GLMN: variants seen among roughly 807,000 people sequenced by gnomAD.
GLMN encodes glomulin.
GLMN carries 75 observed loss-of-function variants against 87.8 expected under a neutral mutation model. The ratio of observed to expected loss-of-function variants is 0.85; its 90% CI spans 0.71 to 1.04. GLMN has a LOEUF of 1.04. Among genes scored for constraint, GLMN ranks in the 50% least tolerant of loss-of-function variants. The pLI is 0.00. For missense variants in GLMN, 588 were observed against 658.8 expected, an observed-to-expected ratio of 0.89 and a Z score of 1.18; for synonymous variants, 206 against 221.6, an observed-to-expected ratio of 0.93 and a Z score of 0.63.
intron 16 of GLMN, among the ~76,000 whole-genome samples, chr1:92,258,906 A>G (rs546302406): frequency 1.3e-5 from 2 of 152,212 alleles, no homozygotes; most frequent in African/African-American, 4.8e-5. Flanking sequence ...TTGAAAAAAA[A>G]CCAAAACTTA....
At chr1:92,304,454 A>C in the GLMN span, 1 of 564,674 alleles carries the variant, frequency 1.8e-6, no homozygotes, top group Non-Finnish European at 3.0e-6. Context: ...ATAGGATTCT[A>C]AAAGAAACTT....
chr1:92,287,817 GC>G (rs2101025465), intron 6 of GLMN, among the ~76,000 whole-genome samples: 1 of 152,090 alleles, frequency 6.6e-6, no homozygotes, highest in South Asian at 2.1e-4. Context: ...CTCCCAAGTA[GC>G]CAAAATTTAA....
At chr1:92,334,999 T>C in the GLMN span, among the ~76,000 whole-genome samples, 7 of 151,136 alleles carry the variant, frequency 4.6e-5, no homozygotes, top group African/African-American at 1.2e-4. Flanking sequence ...AAAAAATAAA[T>C]AAAAATAAAA....
chr1:92,323,046 A>T, the GLMN span, among the ~76,000 whole-genome samples: 1 of 145,472 alleles, frequency 6.9e-6, no homozygotes, highest in Non-Finnish European at 1.5e-5. Flanking sequence ...ATATATCTTT[A>T]TATTTATATA....
upstream of GLMN, among the ~76,000 whole-genome samples, chr1:92,300,945 A>T (rs74408327): frequency 6.9e-3 from 1,045 of 152,366 alleles, 7 homozygotes; most frequent in Non-Finnish European, 0.012. Flanking sequence ...ATAATTACAA[A>T]TTGTGATAAG....
At chr1:92,294,273 G>C (rs1458393346) in intron 3 of GLMN, among the ~76,000 whole-genome samples, 1 of 152,018 alleles carries the variant, frequency 6.6e-6, no homozygotes, top group Non-Finnish European at 1.5e-5. Context: ...AAAAAAATCT[G>C]ATCTAGGAAG....
chr1:92,324,938 T>A, the GLMN span, among the ~76,000 whole-genome samples: 2,121 of 152,340 alleles, frequency 0.014, 49 homozygotes, highest in African/African-American at 0.047. Context: ...ACTAGCTGTA[T>A]GAAAAATTAG....
At chr1:92,291,979 C>A (rs1649463194) in intron 3 of GLMN, among the ~76,000 whole-genome samples, 1 of 152,148 alleles carries the variant, frequency 6.6e-6, no homozygotes, top group Non-Finnish European at 1.5e-5. Flanking sequence ...GATACAACTT[C>A]ATTAATTTTC....
At chr1:92,264,419 A>G (rs967615828) in intron 14 of GLMN, 135 bp downstream of exon 14, 2 of 577,014 alleles carry the variant, frequency 3.5e-6, no homozygotes, top group African/African-American at 6.6e-5. Context: ...AAATAGGGGA[A>G]AAAATATGCC....
At chr1:92,261,136 A>G (rs566353586) in intron 16 of GLMN, among the ~76,000 whole-genome samples, 3 of 152,162 alleles carry the variant, frequency 2.0e-5, no homozygotes, top group African/African-American at 7.2e-5. Flanking sequence ...GCTGAATTTT[A>G]TATTGTAGCT....
chr1:92,324,035 A>C, the GLMN span: 1 of 1,613,946 alleles, frequency 6.2e-7, no homozygotes, highest in Non-Finnish European at 8.5e-7. Flanking sequence ...GTTTTGAAGG[A>C]GACTTTGATT....
chr1:92,251,081 G>GC (rs1218016454), intron 16 of GLMN, among the ~76,000 whole-genome samples: 1 of 152,006 alleles, frequency 6.6e-6, no homozygotes, highest in Non-Finnish European at 1.5e-5. Flanking sequence ...ACTCTTTGTG[G>GC]CAGAAATTGA....
At chr1:92,349,313 TAA>T in the GLMN span, among the ~76,000 whole-genome samples, 2 of 152,246 alleles carry the variant, frequency 1.3e-5, no homozygotes, top group Non-Finnish European at 2.9e-5. Context: ...TGAATATTGC[TAA>T]GTTTTATTAT....
the GLMN span, among the ~76,000 whole-genome samples, chr1:92,307,726 AT>A: frequency 2.0e-5 from 3 of 150,204 alleles, no homozygotes; most frequent in Non-Finnish European, 4.4e-5. Context: ...TTAAAAAGTA[AT>A]TTTTTTTTTT....
At chr1:92,251,443 A>AGTT (rs1653484212) in intron 16 of GLMN, among the ~76,000 whole-genome samples, 1 of 152,174 alleles carries the variant, frequency 6.6e-6, no homozygotes, top group Non-Finnish European at 1.5e-5. Flanking sequence ...TATCATAAAA[A>AGTT]GTTTACTTGA....
At chr1:92,279,423 C>T (rs1041890788) in intron 7 of GLMN, among the ~76,000 whole-genome samples, 2 of 131,306 alleles carry the variant, frequency 1.5e-5, no homozygotes, top group African/African-American at 3.0e-5. Flanking sequence ...TGCCATTGAA[C>T]GACAGCCTGG....
chr1:92,259,794 GCA>G (rs1654782126), intron 16 of GLMN, among the ~76,000 whole-genome samples: 1 of 145,696 alleles, frequency 6.9e-6, no homozygotes, highest in Admixed American at 7.0e-5. Flanking sequence ...GAGTGCAGTG[GCA>G]TGATCTCGGC....
the GLMN span, among the ~76,000 whole-genome samples, chr1:92,322,147 T>C: frequency 6.6e-6 from 1 of 151,766 alleles, no homozygotes; most frequent in African/African-American, 2.4e-5. Flanking sequence ...GGTTTCACTA[T>C]GTTGGCCAGG....
At chr1:92,348,140 C>T in the GLMN span, among the ~76,000 whole-genome samples, 24 of 152,258 alleles carry the variant, frequency 1.6e-4, no homozygotes, top group Non-Finnish European at 2.8e-4. Context: ...CCACCCGCCT[C>T]GGCCTCCCAA....
Sources: allele counts gnomAD v4.1 joint callset (sites outside exome capture counted in the v4.1 genomes callset), GRCh38; gene constraint gnomAD v4.1.1; transcripts MANE v1.5; gene names NCBI Gene and HGNC (gene_info 2026-07-23, HGNC 2026-07-21).